Variants in VASN observed in about 807,000 individuals in gnomAD.
VASN encodes protein slit-like 2.
Under a neutral mutation model 4.8 loss-of-function variants are expected in VASN, and 5 were observed. That is an observed-to-expected ratio of 1.03 (90% CI 0.54 to 2.17). The LOEUF (loss-of-function observed/expected upper bound fraction) is 2.17. Ranked by LOEUF, VASN falls within the 30% of genes most tolerant of loss-of-function variation. VASN has a pLI of 0.01. For synonymous variants in VASN, 499 were observed against 460.8 expected, an observed-to-expected ratio of 1.08 and a Z score of -1.06; for missense variants, 927 against 948.8, an observed-to-expected ratio of 0.98 and a Z score of 0.30.
intron 1 of VASN, among the ~76,000 whole-genome samples, chr16:4,375,606 G>C (rs963554165): frequency 6.6e-6 from 1 of 152,220 alleles, no homozygotes; most frequent in Non-Finnish European, 1.5e-5. Context: ...TCCTGCCTCA[G>C]CCTCCCAAGT....
chr16:4,382,780 CCG>C lies in VASN; in HGVS notation c.1904_1905del (p.Pro635GlnfsTer15). The C allele has an allele frequency of 6.3e-7, 1 of 1,576,606 alleles. No individual in the cohort carries two copies. The highest frequency in any genetic ancestry group is 8.6e-7 in the Non-Finnish European group (1 of 1,161,994). ...AGTGAAGGTCCCCTTGGAGCCAGGC[CCG>C]AAGGCAACAGAGGGCGGTGGAGAGG... ...EGVKVPLEPG[P>X]KATEGGGEAL... On this transcript the variant is annotated frameshift_variant, in exon 2 of 2. Coordinates refer to ENST00000304735, the MANE Select transcript of VASN (RefSeq NM_138440.3). LOFTEE classifies it low-confidence loss of function (END_TRUNC).
At position 4,383,236 on chromosome 16, in the gene VASN, G is replaced by A. The variant is rs1260827172; in HGVS notation, c.*337G>A. The A allele has an allele frequency of 1.6e-5, 5 of 304,304 alleles. No individual in the cohort carries two copies. Among genetic ancestry groups the A allele is most frequent in the East Asian group, 5.8e-5 (1 of 17,242 alleles). 18.9% of individuals were successfully genotyped at this position (304,304 alleles called of 1,614,324 possible). ...CCTGCTGGGCTCTCCCACTCCAGGC[G>A]GACCCTGGGGGCCAGTGAAGGAAGC... is the stretch of plus-strand genomic sequence containing the variant. On this transcript the variant is annotated 3_prime_UTR_variant, in exon 2 of 2. Transcript: ENST00000304735.
rs781602831 is a variant in VASN, at chr16:4,382,685, G to C, written c.1808G>C (p.Arg603Pro). 2.0e-5 allele frequency: 31 copies of C among 1,546,736 alleles called. No homozygotes were observed. The African/African-American group carries it at 3.7e-4, about 18-fold the overall frequency. ...GCAGCCTACTGTGTGCGGCGGGGGC[G>C]GGCCATGGCAGCAGCGGCTCAGGAC... ...VGAAYCVRRG[R>P]AMAAAAQDKG... Residue 603 changes from arginine to proline, a missense_variant, in exon 2 of 2, where the codon CGG becomes CCG. Transcript: ENST00000304735.
intron 1 of VASN, among the ~76,000 whole-genome samples, chr16:4,372,425 C>T (rs1240049145): frequency 6.6e-6 from 1 of 152,234 alleles, no homozygotes; most frequent in African/African-American, 2.4e-5. Context: ...GCCCGGGGTC[C>T]TCTGGACCCT....
Position 4,383,274 on chromosome 16 carries a change from C to T in VASN, c.*375C>T. On this transcript the variant is annotated 3_prime_UTR_variant, in exon 2 of 2. Transcript: ENST00000304735. The stretch of plus-strand genomic sequence containing the variant: ...CAGTGAAGGAAGCTCCCGGAAAGAG[C>T]AGAGGGAGAGCGGGTAGGCGGCTGT... The T allele has an allele frequency of 3.9e-6, 1 of 253,388 alleles. No individual in the cohort carries two copies. 15.7% of individuals were successfully genotyped at this position (253,388 alleles called of 1,614,324 possible). A position where few individuals can be genotyped will look rare whatever the true frequency, so the allele number is the denominator to read the frequency against.
At chr16:4,379,177 G>A (rs1253375371) in intron 1 of VASN, among the ~76,000 whole-genome samples, 1 of 152,102 alleles carries the variant, frequency 6.6e-6, no homozygotes, top group East Asian at 1.9e-4. Flanking sequence ...TGGACTACCT[G>A]CACAGCCTGT....
chr16:4,382,053 GC>G lies in VASN; in HGVS notation c.1179del (p.Ser394ProfsTer7). ...AGCCGGCCACTGAGGCCCCCAGCCC[GC>G]CCTCCACTGCCCCACCGACTGTAGG... ...TEPATEAPSPPSTAPPTVGPV... is the reference protein window; with the variant it reads ...TEPATEAPSPXSTAPPTVGPV... On this transcript the variant is annotated frameshift_variant, in exon 2 of 2. Transcript: ENST00000304735. LOFTEE classifies it low-confidence loss of function (END_TRUNC). 1 of 1,586,262 alleles carries G rather than the reference GC, an allele frequency of 6.3e-7. No homozygotes were observed.
intron 1 of VASN, among the ~76,000 whole-genome samples, chr16:4,377,203 C>T (rs779317451): frequency 2.0e-5 from 3 of 152,112 alleles, no homozygotes; most frequent in Non-Finnish European, 2.9e-5. Context: ...CAGACCCTTG[C>T]GTCATCTTCC....
intron 1 of VASN, among the ~76,000 whole-genome samples, chr16:4,374,430 C>T (rs2054646242): frequency 6.6e-6 from 1 of 152,142 alleles, no homozygotes; most frequent in South Asian, 2.1e-4. Flanking sequence ...GCCAGTTATT[C>T]TTCAGGGTTC....
intron 1 of VASN, among the ~76,000 whole-genome samples, chr16:4,374,312 C>CCTCCCCCG (rs1312209696): frequency 2.0e-5 from 3 of 152,140 alleles, no homozygotes; most frequent in African/African-American, 7.2e-5. Context: ...CGCTGGGCCG[C>CCTCCCCCG]CGGCCTCCCC....
At chr16:4,374,962 G>A (rs891473653) in intron 1 of VASN, among the ~76,000 whole-genome samples, 4 of 152,028 alleles carry the variant, frequency 2.6e-5, no homozygotes, top group Non-Finnish European at 5.9e-5. Context: ...CAGTGAGGAG[G>A]CCCCGTGTGA....
At chr16:4,377,514 C>G (rs1280612791) in intron 1 of VASN, among the ~76,000 whole-genome samples, 2 of 152,212 alleles carry the variant, frequency 1.3e-5, no homozygotes, top group African/African-American at 4.8e-5. Flanking sequence ...CAGAAAACTA[C>G]AACTCCAGAG....
At chr16:4,373,684 G>A (rs929633131) in intron 1 of VASN, among the ~76,000 whole-genome samples, 1 of 152,160 alleles carries the variant, frequency 6.6e-6, no homozygotes, top group Non-Finnish European at 1.5e-5. Flanking sequence ...GGGGAGCTGG[G>A]ACAAGTCCCA....
intron 1 of VASN, among the ~76,000 whole-genome samples, chr16:4,373,164 C>T (rs2054594734): frequency 6.6e-6 from 1 of 152,094 alleles, no homozygotes; most frequent in African/African-American, 2.4e-5. Flanking sequence ...GGAGCAGTCC[C>T]CTGAGTTTAC....
chr16:4,377,203 C>A (rs779317451), intron 1 of VASN, among the ~76,000 whole-genome samples: 1 of 152,112 alleles, frequency 6.6e-6, no homozygotes, highest in Non-Finnish European at 1.5e-5. Flanking sequence ...CAGACCCTTG[C>A]GTCATCTTCC....
At position 4,381,420 on chromosome 16, in the gene VASN, C is replaced by T. The variant is rs754644872; in HGVS notation, c.543C>T (p.Leu181=). Residue 181 remains leucine (L), a synonymous_variant, in exon 2 of 2, where the codon CTC becomes CTT. Coordinates refer to ENST00000304735, the MANE Select transcript of VASN (RefSeq NM_138440.3). ...TGCTGGACCTCAGCCACAACAGCCT[C>T]CTGGCCCTGGAGCCCGGCATCCTGG... ...LLLLDLSHNS[L]LALEPGILDT... 7 of 1,583,016 alleles carry T rather than the reference C, an allele frequency of 4.4e-6. No homozygotes were observed. The highest frequency in any genetic ancestry group is 1.4e-5 in the African/African-American group (1 of 74,070).
At chr16:4,376,063 G>A (rs929138336) in intron 1 of VASN, among the ~76,000 whole-genome samples, 1 of 152,170 alleles carries the variant, frequency 6.6e-6, no homozygotes, top group East Asian at 1.9e-4. Flanking sequence ...GGGGACCCCC[G>A]CTCAATCACC....
chr16:4,376,359 C>G (rs1216612914), intron 1 of VASN, among the ~76,000 whole-genome samples: 6 of 152,216 alleles, frequency 3.9e-5, no homozygotes, highest in African/African-American at 1.4e-4. Context: ...GCTGCCAGGC[C>G]TGACCGGCCA....
In VASN at chr16:4,382,030, C is replaced by A; in HGVS notation, c.1153C>A (p.Pro385Thr). The part of the protein sequence containing the change: ...LAPTWLSPTE[P>T]ATEAPSPPST... Reference sequence around the variant, plus strand: ...TCCTACCTGGCTTAGCCCCACAGAGCCGGCCACTGAGGCCCCCAGCCCGCC... The same window carrying A: ...TCCTACCTGGCTTAGCCCCACAGAGACGGCCACTGAGGCCCCCAGCCCGCC... Residue 385 changes from proline to threonine, a missense_variant, in exon 2 of 2, where the codon CCG becomes ACG. Coordinates refer to ENST00000304735, the MANE Select transcript of VASN (RefSeq NM_138440.3). The A allele has an allele frequency of 1.3e-6, 2 of 1,597,450 alleles. No homozygotes were observed. The highest frequency in any genetic ancestry group is 1.7e-6 in the Non-Finnish European group (2 of 1,174,130).
Sources: gnomAD v4.1 joint callset for allele counts (sites outside exome capture counted in the v4.1 genomes callset) on GRCh38, gnomAD v4.1.1 for gene constraint, MANE v1.5 for transcripts, NCBI Gene and HGNC (gene_info 2026-07-23, HGNC 2026-07-21) for gene names.